The following KCNJ6 variants were observed in gnomAD, a reference collection of about 807,000 sequenced individuals.
KCNJ6 encodes potassium inwardly rectifying channel subfamily J member 6.
A neutral mutation model predicts 34.2 loss-of-function variants in KCNJ6; 9 were observed. The observed-to-expected ratio is 0.26, with a 90% confidence interval of 0.16 to 0.46. The LOEUF is 0.46. Ranked by LOEUF, KCNJ6 falls within the 20% of genes least tolerant of loss-of-function variation. The pLI is 1.00. For missense variants in KCNJ6, 236 were observed against 531.3 expected, an observed-to-expected ratio of 0.44 and a Z score of 5.46; for synonymous variants, 196 against 207.1, an observed-to-expected ratio of 0.95 and a Z score of 0.46.
Position 37,714,135 on chromosome 21 carries a change from T to G in KCNJ6, c.946+76A>C. ...GTGAGGTTCAGTATTCTAGATCTTG[T>G]AATAGATAAGAACATCAGGTCCAGT... On this transcript the variant is annotated intron_variant, in intron 3 of 3. Coordinates refer to ENST00000609713, the MANE Select transcript of KCNJ6 (RefSeq NM_002240.5). This position sits in a 1 kb window ranked among gnomAD's most constrained non-coding sequence, Gnocchi z 5.9. The G allele has an allele frequency of 9.7e-7, 1 of 1,027,344 alleles. No homozygotes were observed. Among genetic ancestry groups the G allele is most frequent in the South Asian group, 1.5e-5 (1 of 66,944 alleles). The allele number at this position is 1,027,344 out of a possible 1,614,324, so 63.6% of individuals were successfully genotyped here.
intron 3 of KCNJ6, among the ~76,000 whole-genome samples, chr21:37,628,585 A>AAGGAGAGT (rs2054320827): frequency 6.6e-6 from 1 of 152,170 alleles, no homozygotes; most frequent in African/African-American, 2.4e-5. Flanking sequence ...GGAGCTCCAG[A>AAGGAGAGT]AGGAGAGTAT....
chr21:37,770,026 G>T (rs890799748), intron 2 of KCNJ6, among the ~76,000 whole-genome samples: 2 of 152,108 alleles, frequency 1.3e-5, no homozygotes, highest in Non-Finnish European at 2.9e-5. Context: ...TTTATAAATT[G>T]CCCAGTTTCA....
intron 3 of KCNJ6, among the ~76,000 whole-genome samples, chr21:37,702,015 T>A (rs2054693710): frequency 6.6e-6 from 1 of 151,960 alleles, no homozygotes; most frequent in Admixed American, 6.6e-5. Flanking sequence ...GGTGGATCAC[T>A]TGAGGTCAGG....
At chr21:37,758,621 C>T (rs916129663) in intron 2 of KCNJ6, among the ~76,000 whole-genome samples, 8 of 152,138 alleles carry the variant, frequency 5.3e-5, no homozygotes, top group African/African-American at 1.2e-4. Flanking sequence ...AGGGATTGTA[C>T]AGACATAGGA....
At chr21:37,810,578 G>A (rs2055317778) in intron 2 of KCNJ6, among the ~76,000 whole-genome samples, 1 of 152,184 alleles carries the variant, frequency 6.6e-6, no homozygotes, top group Admixed American at 6.5e-5. Context: ...CATTTAACAG[G>A]ACCATTTAAA....
intron 1 of KCNJ6, among the ~76,000 whole-genome samples, chr21:37,862,367 T>C (rs1017031043): frequency 6.6e-6 from 1 of 152,236 alleles, no homozygotes; most frequent in Non-Finnish European, 1.5e-5. Context: ...GTTTTGTAAA[T>C]GTCACCTTTA....
At chr21:37,804,662 A>G (rs369158635) in intron 2 of KCNJ6, among the ~76,000 whole-genome samples, 148 of 152,294 alleles carry the variant, frequency 9.7e-4, no homozygotes, top group Middle Eastern at 3.4e-3. Context: ...TATAAGTGAG[A>G]ACATGCGGTA....
At chr21:37,654,148 A>G (rs1244023572) in intron 3 of KCNJ6, among the ~76,000 whole-genome samples, 1 of 136,002 alleles carries the variant, frequency 7.4e-6, no homozygotes, top group African/African-American at 2.8e-5. Flanking sequence ...ATTAGGGATC[A>G]TGGACGTGCA....
intron 2 of KCNJ6, among the ~76,000 whole-genome samples, chr21:37,819,941 C>A (rs1389991540): frequency 7.5e-6 from 1 of 133,266 alleles, no homozygotes; most frequent in African/African-American, 3.2e-5. Context: ...CTCATCACCA[C>A]ACCTGGCTAA....
chr21:37,746,485 A>G (rs1041357206), intron 2 of KCNJ6, among the ~76,000 whole-genome samples: 2 of 152,204 alleles, frequency 1.3e-5, no homozygotes, highest in Non-Finnish European at 2.9e-5. Context: ...TATACAATTC[A>G]GTCTTCTCCA....
intron 3 of KCNJ6, among the ~76,000 whole-genome samples, chr21:37,652,926 G>C (rs1423949738): frequency 2.0e-5 from 3 of 152,216 alleles, no homozygotes; most frequent in Admixed American, 2.0e-4. Context: ...GAGAGGGAAT[G>C]AGTGGAGAAA....
intron 2 of KCNJ6, among the ~76,000 whole-genome samples, chr21:37,821,216 CACATA>C (rs2055371506): frequency 6.6e-6 from 1 of 152,254 alleles, no homozygotes; most frequent in South Asian, 2.1e-4. Context: ...AGGTGAATTT[CACATA>C]ACAAAAAATT....
chr21:37,676,502 A>G (rs567577631), intron 3 of KCNJ6, among the ~76,000 whole-genome samples: 3 of 152,340 alleles, frequency 2.0e-5, no homozygotes, highest in Admixed American at 2.0e-4. Context: ...GGGAGTGCTG[A>G]GGCCTGTGGG....
chr21:37,637,747 T>C (rs1463661834), intron 3 of KCNJ6, among the ~76,000 whole-genome samples: 2 of 152,118 alleles, frequency 1.3e-5, no homozygotes, highest in African/African-American at 4.8e-5. Context: ...CTTAGGGAGA[T>C]AAGTTAAGTC....
chr21:37,755,935 C>T (rs1413800922), intron 2 of KCNJ6, among the ~76,000 whole-genome samples: 1 of 152,222 alleles, frequency 6.6e-6, no homozygotes, highest in Non-Finnish European at 1.5e-5. Flanking sequence ...AATGCAGGCA[C>T]TTTGTGAAGT....
intron 3 of KCNJ6, among the ~76,000 whole-genome samples, chr21:37,647,580 C>T (rs2054411272): frequency 6.6e-6 from 1 of 152,142 alleles, no homozygotes; most frequent in African/African-American, 2.4e-5. Flanking sequence ...CACTCCAGGC[C>T]ATGATCCACT....
intron 2 of KCNJ6, among the ~76,000 whole-genome samples, chr21:37,723,632 G>A (rs1206458497): frequency 2.0e-5 from 3 of 152,106 alleles, no homozygotes; most frequent in Non-Finnish European, 4.4e-5. Context: ...AGTAGGTGGA[G>A]GTCATTATCC....
chr21:37,684,754 A>G (rs1473849163), intron 3 of KCNJ6, among the ~76,000 whole-genome samples: 1 of 152,212 alleles, frequency 6.6e-6, no homozygotes. Flanking sequence ...TCCAGCAAAC[A>G]ATGCAAGCTG....
intron 1 of KCNJ6, among the ~76,000 whole-genome samples, chr21:37,871,856 C>T (rs946732003): frequency 6.6e-6 from 1 of 152,120 alleles, no homozygotes; most frequent in Non-Finnish European, 1.5e-5. Context: ...TTTTTAAAAA[C>T]CTGTTAAGAA....
Sources: allele counts gnomAD v4.1 joint callset (sites outside exome capture counted in the v4.1 genomes callset), GRCh38; gene constraint gnomAD v4.1.1; non-coding constraint Gnocchi (gnomAD v3.1); transcripts MANE v1.5; gene names NCBI Gene and HGNC (gene_info 2026-07-23, HGNC 2026-07-21).